NCF2: variants seen among roughly 807,000 people sequenced by gnomAD.
NCF2 encodes neutrophil cytosolic factor 2, also known as neutrophil cytosol factor 2.
NCF2 carries 45 observed loss-of-function variants against 70.9 expected under a neutral mutation model. The ratio of observed to expected loss-of-function variants is 0.63; its 90% CI spans 0.50 to 0.81. The LOEUF is 0.81. NCF2 is among the 40% of genes least tolerant of loss of function. The pLI, the probability that NCF2 is intolerant of heterozygous loss-of-function variation, is 0.00. For synonymous variants in NCF2, 203 were observed against 233.6 expected (o/e 0.87, Z 1.19); for missense variants, 522 against 631.6 (o/e 0.83, Z 1.86).
Position 183,566,986 on chromosome 1 carries a change from C to T in NCF2, c.858G>A (p.Lys286=). The T allele has an allele frequency of 6.2e-7, 1 of 1,614,202 alleles. No homozygotes were observed. The highest frequency in any genetic ancestry group is 1.1e-5 in the South Asian group (1 of 91,082). The change falls in exon 9 of 15, where the codon AAG becomes AAA. Residue 286 remains lysine (K), a splice_region_variant and synonymous_variant. Coordinates refer to ENST00000367535, the MANE Select transcript of NCF2 (RefSeq NM_000433.4). ...CAAGGTAGTTGCAGGGAACAAGCCC[C>T]TTCTGCAGTGCAGCACCACAGAATC... The part of the protein sequence containing the change: ...NWATVMFNGQ[K]GLVPCNYLEP...
intron 3 of NCF2, among the ~76,000 whole-genome samples, chr1:183,575,203 C>G (rs574302512): frequency 5.5e-4 from 84 of 152,340 alleles, no homozygotes; most frequent in African/African-American, 1.9e-3. Flanking sequence ...GGCGCAGTGG[C>G]TCATGCCTGT....
At chr1:183,594,494 T>C (rs1389292993), upstream of NCF2, among the ~76,000 whole-genome samples, 1 of 152,262 alleles carries the variant, frequency 6.6e-6, no homozygotes, top group Admixed American at 6.5e-5. Flanking sequence ...AGTTTGTTTA[T>C]TGTTTAAGTC....
In NCF2 at chr1:183,556,198, C is replaced by T. The variant is rs745740745; in HGVS notation, c.1501G>A (p.Gly501Arg). 5.0e-5 allele frequency: 80 copies of T among 1,614,058 alleles called. 1 individual carries two copies. The South Asian group carries it at 7.8e-4, about 16-fold the overall frequency. Residue 501 changes from glycine to arginine, a missense_variant, in exon 15 of 15, where the codon GGG becomes AGG. Physicochemically the swap from Gly to Arg is moderately radical, Grantham distance 125. Transcript: ENST00000367535. The part of the protein sequence containing the change: ...NEEWLEGECK[G>R]KVGIFPKVFV... The stretch of plus-strand genomic sequence containing the variant: ...ACTTTGGGGAAAATGCCCACCTTCC[C>T]TTTGCACTCCCCTTCCAGCCATTCT...
the NCF2 span, among the ~76,000 whole-genome samples, chr1:183,599,437 T>TCTTTCTTTCTTTCTTTCTTTC: frequency 2.7e-4 from 26 of 96,784 alleles, no homozygotes; most frequent in African/African-American, 8.5e-4. Context: ...TTTCTTTCTT[T>TCTTTCTTTCTTTCTTTCTTTC]CTTTCTTTCT....
the NCF2 span, among the ~76,000 whole-genome samples, chr1:183,599,423 C>CTTCTTTCTTTCTTTCCTTTCT: frequency 9.3e-6 from 1 of 107,426 alleles, no homozygotes; most frequent in Admixed American, 1.0e-4. Context: ...TCTTTCTTTC[C>CTTCTTTCTTTCTTTCCTTTCT]TTCTTTCTTT....
intron 5 of NCF2, among the ~76,000 whole-genome samples, chr1:183,571,117 T>A (rs998948735): frequency 6.9e-6 from 1 of 145,092 alleles, no homozygotes; most frequent in Admixed American, 6.9e-5. Flanking sequence ...AAATTATCTT[T>A]TTTTTTTTTT....
chr1:183,588,093 G>A (rs1673450865), intron 1 of NCF2, among the ~76,000 whole-genome samples: 2 of 152,164 alleles, frequency 1.3e-5, no homozygotes, highest in South Asian at 2.1e-4. Flanking sequence ...ATTTCTTTGA[G>A]TTCTCCTAGT....
chr1:183,571,141 G>T (rs1177101026), intron 5 of NCF2, among the ~76,000 whole-genome samples: 1 of 123,292 alleles, frequency 8.1e-6, no homozygotes, highest in Non-Finnish European at 1.6e-5. Context: ...TTTTTGAGAC[G>T]GAGTCACGCT....
At chr1:183,569,254 G>A (rs191249861) in intron 6 of NCF2, 69 bp from the exon 7 acceptor site, 18 of 1,364,436 alleles carry the variant, frequency 1.3e-5, no homozygotes, top group East Asian at 6.9e-5. Flanking sequence ...GACAACAAAC[G>A]GCTAATGGTA....
intron 8 of NCF2, 48 bp downstream of exon 8, chr1:183,567,156 C>T (rs745648528): frequency 2.5e-6 from 4 of 1,613,576 alleles, no homozygotes; most frequent in Non-Finnish European, 3.4e-6. Flanking sequence ...ACTGCATTTG[C>T]TGCCAGGATC....
intron 2 of NCF2, among the ~76,000 whole-genome samples, chr1:183,581,884 G>A (rs1673127140): frequency 6.6e-6 from 1 of 152,154 alleles, no homozygotes; most frequent in African/African-American, 2.4e-5. Context: ...AGCCAGGATG[G>A]TCTCGATCTC....
intron 2 of NCF2, among the ~76,000 whole-genome samples, chr1:183,582,507 T>C (rs1425151280): frequency 6.6e-6 from 1 of 152,194 alleles, no homozygotes; most frequent in Non-Finnish European, 1.5e-5. Context: ...CTGGGAGGTT[T>C]CTTAGTAACC....
chr1:183,572,368 G>A lies in NCF2; in HGVS notation c.609+817C>T, dbSNP rs577069132. On this transcript the variant is annotated intron_variant, in intron 5 of 14. Transcript: ENST00000367535. ...CCCAGCTAATTTTGTATTTTTAGTA[G>A]AGATGGGGTTTCACCATGTTGGCCA... Among the ~76,000 whole-genome samples, 7 of 152,260 alleles carry A rather than the reference G, an allele frequency of 4.6e-5. No homozygotes were observed. In the East Asian group the frequency reaches 1.4e-3, roughly 29 times the overall value.
intron 2 of NCF2, among the ~76,000 whole-genome samples, chr1:183,584,368 G>T (rs1018977136): frequency 6.6e-6 from 1 of 152,228 alleles, no homozygotes; most frequent in Non-Finnish European, 1.5e-5. Flanking sequence ...CCTGCTTGAG[G>T]TTGAGATTAG....
At chr1:183,564,873 T>C (rs1672234123) in intron 10 of NCF2, among the ~76,000 whole-genome samples, 1 of 152,250 alleles carries the variant, frequency 6.6e-6, no homozygotes, top group African/African-American at 2.4e-5. Flanking sequence ...TGCAGGAGAC[T>C]GCGTTTTTGC....
At chr1:183,567,468 C>G (rs1382146530) in intron 7 of NCF2, 123 bp from the exon 8 acceptor site, 1 of 1,374,552 alleles carries the variant, frequency 7.3e-7, no homozygotes, top group Non-Finnish European at 1.0e-6. Context: ...CTAACTGCAA[C>G]TGCCGAGATG....
rs766871548 is a variant in NCF2, at chr1:183,560,089, C to T, written c.1468+7G>A. The T allele has an allele frequency of 3.1e-6, 5 of 1,613,852 alleles. No homozygotes were observed. Among genetic ancestry groups the T allele is most frequent in the Non-Finnish European group, 4.2e-6 (5 of 1,179,752 alleles). On this transcript the variant is annotated splice_region_variant and intron_variant, in intron 14 of 14. Transcript: ENST00000367535. ...ATTTGTTTCTATAGTCTTGGAGTAG[C>T]ACTTACCCTTTGATAACACCAGGAT...
chr1:183,594,838 T>C (rs1278755138), upstream of NCF2, among the ~76,000 whole-genome samples: 3 of 152,226 alleles, frequency 2.0e-5, no homozygotes, highest in Non-Finnish European at 4.4e-5. Context: ...ATAAAACTCA[T>C]TATTCCTGGG....
chr1:183,596,128 G>T, the NCF2 span, among the ~76,000 whole-genome samples: 1 of 151,836 alleles, frequency 6.6e-6, no homozygotes, highest in African/African-American at 2.4e-5. Context: ...ATCTGTGTCT[G>T]ATTTTTCCAC....
Sources: allele counts gnomAD v4.1 joint callset (sites outside exome capture counted in the v4.1 genomes callset), GRCh38; gene constraint gnomAD v4.1.1; transcripts MANE v1.5; gene names NCBI Gene and HGNC (gene_info 2026-07-23, HGNC 2026-07-21).